SORBS2: variants seen among roughly 807,000 people sequenced by gnomAD.
SORBS2 encodes the protein sorbin and SH3 domain containing 2, also known as sorbin and SH3 domain-containing protein 2.
SORBS2 carries 46 observed loss-of-function variants against 97.7 expected under a neutral mutation model. The observed-to-expected ratio is 0.47, with a 90% CI of 0.37 to 0.60. SORBS2 has a LOEUF of 0.60. SORBS2 is among the 20% of genes least tolerant of loss of function. SORBS2 has a pLI of 0.00. For missense variants in SORBS2, 1,316 were observed against 1,282.3 expected (o/e 1.03, Z -0.40); for synonymous variants, 476 against 473.4 (o/e 1.01, Z -0.07).
intron 2 of SORBS2, among the ~76,000 whole-genome samples, chr4:185,764,720 G>A (rs1226356521): frequency 6.6e-6 from 1 of 152,054 alleles, no homozygotes; most frequent in African/African-American, 2.4e-5. Flanking sequence ...GCAAATAGAG[G>A]GAAAGATGTT....
intron 2 of SORBS2, among the ~76,000 whole-genome samples, chr4:185,755,946 C>A (rs759983619): frequency 6.6e-6 from 1 of 152,144 alleles, no homozygotes; most frequent in Non-Finnish European, 1.5e-5. Context: ...AAGTAAATAT[C>A]AGTTAAAATG....
At chr4:185,872,811 T>C (rs2149746724) in intron 1 of SORBS2, among the ~76,000 whole-genome samples, 1 of 152,338 alleles carries the variant, frequency 6.6e-6, no homozygotes, top group East Asian at 1.9e-4. Context: ...CTTTCTCCCA[T>C]GCAATGCTGG....
chr4:185,686,178 T>A (rs1486331432), intron 2 of SORBS2, among the ~76,000 whole-genome samples: 3 of 152,178 alleles, frequency 2.0e-5, no homozygotes, highest in African/African-American at 7.2e-5. Flanking sequence ...TATTGTCACA[T>A]TTCCATTTTT....
At chr4:185,656,509 G>T in intron 1 of SORBS2, 2 of 651,356 alleles carry the variant, frequency 3.1e-6, no homozygotes, top group Non-Finnish European at 5.1e-6. Flanking sequence ...GGCTGCCCAG[G>T]TCTGCATTCC....
chr4:185,680,864 G>A (rs1179931913), intron 2 of SORBS2, among the ~76,000 whole-genome samples: 1 of 152,072 alleles, frequency 6.6e-6, no homozygotes. Flanking sequence ...TTGAAGATGA[G>A]GAGCCCCAGG....
At chr4:185,941,724 A>G (rs147333808) in intron 1 of SORBS2, among the ~76,000 whole-genome samples, 86 of 152,330 alleles carry the variant, frequency 5.6e-4, no homozygotes, top group Middle Eastern at 3.4e-3. Context: ...CCAATCTTGC[A>G]TAACACATTT....
intron 3 of SORBS2, 102 bp from the exon 13 acceptor site, chr4:185,646,884 T>TA (rs1285084953): frequency 1.5e-4 from 104 of 687,346 alleles, no homozygotes; most frequent in East Asian, 1.4e-3. Context: ...AGCATAGTTT[T>TA]AAAAAAAATC....
intron 1 of SORBS2, among the ~76,000 whole-genome samples, chr4:185,923,867 T>C (rs909755045): frequency 1.1e-4 from 16 of 152,208 alleles, no homozygotes; most frequent in African/African-American, 3.9e-4. Context: ...AATATGTCTC[T>C]TATTTCCTTG....
intron 1 of SORBS2, among the ~76,000 whole-genome samples, chr4:185,794,692 T>C (rs2099096889): frequency 6.6e-6 from 1 of 151,832 alleles, no homozygotes; most frequent in African/African-American, 2.4e-5. Context: ...AGTAGAATGA[T>C]AATGAGGAGC....
chr4:185,886,910 G>A (rs548648996), intron 1 of SORBS2, among the ~76,000 whole-genome samples: 8 of 152,306 alleles, frequency 5.3e-5, no homozygotes, highest in Middle Eastern at 3.4e-3. Flanking sequence ...AGACCAAATG[G>A]TCAGAAACTA....
At chr4:185,845,397 C>G (rs2099214004) in intron 1 of SORBS2, among the ~76,000 whole-genome samples, 1 of 152,082 alleles carries the variant, frequency 6.6e-6, no homozygotes, top group South Asian at 2.1e-4. Context: ...GAATTACATA[C>G]TTTAAAGTGG....
intron 2 of SORBS2, among the ~76,000 whole-genome samples, chr4:185,765,097 C>A (rs940505880): frequency 4.6e-5 from 7 of 152,024 alleles, no homozygotes; most frequent in African/African-American, 1.7e-4. Flanking sequence ...AGTTTTAAAC[C>A]ACAAAACTCA....
Position 185,777,332 on chromosome 4 carries a change from T to G in SORBS2, c.-337-1966A>C, listed in dbSNP as rs61399511. Among the ~76,000 whole-genome samples, 263 of 152,346 alleles carry G rather than the reference T, an allele frequency of 1.7e-3. 1 individual carries two copies. The highest frequency in any genetic ancestry group is 6.0e-3 in the African/African-American group (250 of 41,580). ...ATACCTGCCAATCTAACATGGGATATTTGTTTCTCTTGGCCTCAATGTGGA... is the reference window on the plus strand; with the variant it reads ...ATACCTGCCAATCTAACATGGGATAGTTGTTTCTCTTGGCCTCAATGTGGA... On this transcript the variant is annotated intron_variant, in intron 1 of 20. Transcript: ENST00000284776.
chr4:185,593,897 A>G lies in SORBS2; in HGVS notation c.2835T>C (p.Gly945=), dbSNP rs768027017. The G allele has an allele frequency of 1.1e-5, 18 of 1,603,934 alleles. No homozygotes were observed. In the South Asian group the frequency reaches 1.8e-4, roughly 16 times the overall value. Residue 945 remains glycine, a synonymous_variant, in exon 13 of 15, where the codon GGT becomes GGC. Transcript: ENST00000418609. ...AGAAGAATACTTACGGTTCCCCCCC[A>G]CCTTGAATATTTTCATGAGTAAACA...
Position 185,806,434 on chromosome 4 carries a change from CTATTTTTTTTTTTTTTTTTTTTTTTT to C in SORBS2, c.-337-31094_-337-31069del, listed in dbSNP as rs1201901268. ...AGTGGCACAGCTCTTGGCTAGAATC[CTATTTTTTTTTTTTTTTTTTTTTTTT>C]TTTTTTTTTTTTTTTGAGACGGAGT... On this transcript the variant is annotated intron_variant, in intron 1 of 20. Coordinates refer to the SORBS2 transcript ENST00000284776. 2.6e-4 allele frequency among the ~76,000 whole-genome samples: 28 copies of C among 108,110 alleles called. 1 individual carries two copies. 70.9% of individuals were successfully genotyped at this position (108,110 alleles called of 152,430 possible). A position where few individuals can be genotyped will look rare whatever the true frequency, so the allele number is the denominator to read the frequency against.
intron 1 of SORBS2, among the ~76,000 whole-genome samples, chr4:185,833,555 T>C (rs1198396201): frequency 1.3e-5 from 2 of 152,196 alleles, no homozygotes; most frequent in Admixed American, 6.5e-5. Context: ...GAAAAAGAAA[T>C]ACTTTGGATA....
At chr4:185,673,580 G>T (rs1479052717) in intron 4 of SORBS2, among the ~76,000 whole-genome samples, 1 of 152,184 alleles carries the variant, frequency 6.6e-6, no homozygotes, top group Non-Finnish European at 1.5e-5. Context: ...CCATGAAGCA[G>T]GCACCATGCC....
intron 2 of SORBS2, among the ~76,000 whole-genome samples, chr4:185,721,002 G>T (rs141222254): frequency 2.3e-4 from 35 of 151,616 alleles, no homozygotes; most frequent in Non-Finnish European, 4.4e-4. Flanking sequence ...TGCCTCATGG[G>T]ATTGCTCAGA....
At chr4:185,624,064 C>G (rs1186204136) in exon 7 of SORBS2, 4 of 1,614,206 alleles carry the variant, frequency 2.5e-6, no homozygotes, top group Non-Finnish European at 3.4e-6. Context: ...TCTTGTACAT[C>G]TTCAGGAACC....
Sources: allele counts gnomAD v4.1 joint callset (sites outside exome capture counted in the v4.1 genomes callset), GRCh38; gene constraint gnomAD v4.1.1; transcripts MANE v1.5; gene names NCBI Gene and HGNC (gene_info 2026-07-23, HGNC 2026-07-21).